PRIM2: variants seen among roughly 807,000 people sequenced by gnomAD.
PRIM2 encodes DNA primase large subunit.
Under a neutral mutation model 67.3 loss-of-function variants are expected in PRIM2, and 39 were observed. The ratio of observed to expected loss-of-function variants is 0.58; its 90% CI spans 0.45 to 0.76. PRIM2 has a LOEUF of 0.76. PRIM2 is among the 30% of genes least tolerant of loss of function. The probability of loss-of-function intolerance (pLI) is 0.00; values close to 1 mark genes in which losing one functional copy is unlikely to be tolerated. For missense variants in PRIM2, 398 were observed against 598.7 expected (o/e 0.66, Z 3.50); for synonymous variants, 143 against 198.7 (o/e 0.72, Z 2.36).
chr6:57,357,209 G>A (rs1341043982), intron 5 of PRIM2, among the ~76,000 whole-genome samples: 3 of 152,174 alleles, frequency 2.0e-5, no homozygotes, highest in Non-Finnish European at 1.5e-5. Flanking sequence ...TGGGATTACA[G>A]GAGTGAGCCA....
the PRIM2 span, among the ~76,000 whole-genome samples, chr6:57,255,497 CAAAA>C: frequency 5.4e-5 from 7 of 130,174 alleles, no homozygotes; most frequent in Non-Finnish European, 3.3e-5. Flanking sequence ...GACTCTATCT[CAAAA>C]AAAAAAAAAA....
intron 10 of PRIM2, among the ~76,000 whole-genome samples, chr6:57,575,386 G>T (rs1383604636): frequency 2.0e-5 from 3 of 152,278 alleles, no homozygotes; most frequent in South Asian, 4.1e-4. Context: ...TGATGTATTT[G>T]CTTTTTCTAA....
chr6:57,300,706 T>C, the PRIM2 span, among the ~76,000 whole-genome samples: 6 of 152,188 alleles, frequency 3.9e-5, no homozygotes, highest in Non-Finnish European at 8.8e-5. Flanking sequence ...TCTACTAGCG[T>C]AGTTCTGGTT....
Position 57,644,702 on chromosome 6 carries a change from T to C in PRIM2, c.1300-1226T>C, listed in dbSNP as rs1425900199. On this transcript the variant is annotated intron_variant, in intron 13 of 13. Transcript: ENST00000615550. ...AAGAGTGAGACGTAAAAGGATTAGTTAATACAAGACAGATGAACAAAAGAA... is the reference window on the plus strand; with the variant it reads ...AAGAGTGAGACGTAAAAGGATTAGTCAATACAAGACAGATGAACAAAAGAA... Among the ~76,000 whole-genome samples, 13 of 152,332 alleles carry C rather than the reference T, an allele frequency of 8.5e-5. No homozygotes were observed. The East Asian group carries it at 2.5e-3, about 29-fold the overall frequency.
chr6:57,435,802 C>T (rs1042381102), intron 7 of PRIM2, among the ~76,000 whole-genome samples: 5 of 152,230 alleles, frequency 3.3e-5, no homozygotes, highest in Middle Eastern at 3.4e-3. Flanking sequence ...ACTGATAGTA[C>T]GGGAAAGAGC....
At chr6:57,546,406 A>G (rs1363463865) in intron 10 of PRIM2, among the ~76,000 whole-genome samples, 29 of 152,298 alleles carry the variant, frequency 1.9e-4, no homozygotes, top group African/African-American at 7.0e-4. Flanking sequence ...CGTGTTAGAG[A>G]CCAATCTAGA....
At chr6:57,501,909 A>G (rs1581956578) in intron 7 of PRIM2, among the ~76,000 whole-genome samples, 1 of 152,166 alleles carries the variant, frequency 6.6e-6, no homozygotes, top group African/African-American at 2.4e-5. Context: ...TTGTTCTTTT[A>G]AATGGCTGTT....
intron 8 of PRIM2, among the ~76,000 whole-genome samples, chr6:57,523,642 G>T (rs1269649080): frequency 1.3e-5 from 2 of 152,040 alleles, no homozygotes; most frequent in Admixed American, 1.3e-4. Context: ...TAGTGGAGCT[G>T]GTGAATACCA....
intron 5 of PRIM2, among the ~76,000 whole-genome samples, chr6:57,326,627 A>G (rs1197234706): frequency 2.0e-5 from 3 of 152,012 alleles, no homozygotes; most frequent in Admixed American, 6.5e-5. Flanking sequence ...AGGCTAAGGC[A>G]TGAAAATTGC....
intron 10 of PRIM2, among the ~76,000 whole-genome samples, chr6:57,551,066 C>T (rs1775390674): frequency 6.6e-6 from 1 of 152,140 alleles, no homozygotes; most frequent in African/African-American, 2.4e-5. Context: ...TAAAAAATTA[C>T]TTTGAACCAT....
chr6:57,440,035 T>C (rs866685538), intron 7 of PRIM2, among the ~76,000 whole-genome samples: 112 of 151,508 alleles, frequency 7.4e-4, no homozygotes, highest in Admixed American at 2.6e-3. Context: ...TATGTTCTTT[T>C]CGGAAATTTC....
At chr6:57,488,190 T>C (rs1773797606) in intron 7 of PRIM2, among the ~76,000 whole-genome samples, 1 of 152,220 alleles carries the variant, frequency 6.6e-6, no homozygotes, top group African/African-American at 2.4e-5. Context: ...TTAAAATCCC[T>C]AGTATGTAAT....
chr6:57,340,586 C>G (rs1315376306), intron 5 of PRIM2, among the ~76,000 whole-genome samples: 2 of 152,078 alleles, frequency 1.3e-5, no homozygotes, highest in Admixed American at 6.6e-5. Context: ...AATCATCATT[C>G]TCAGTAAACT....
chr6:57,635,850 T>A (rs1455772551), intron 13 of PRIM2, among the ~76,000 whole-genome samples: 9 of 152,190 alleles, frequency 5.9e-5, no homozygotes, highest in African/African-American at 2.2e-4. Flanking sequence ...TTCTTTCTCC[T>A]CCACACAGCT....
chr6:57,238,473 TAATGA>T, the PRIM2 span, among the ~76,000 whole-genome samples: 1 of 152,298 alleles, frequency 6.6e-6, no homozygotes, highest in Non-Finnish European at 1.5e-5. Context: ...ACTGGGTATA[TAATGA>T]AATGAAGGCA....
intron 7 of PRIM2, among the ~76,000 whole-genome samples, chr6:57,386,113 G>A (rs1023468023): frequency 3.4e-4 from 52 of 151,860 alleles, no homozygotes; most frequent in Non-Finnish European, 1.6e-4. Flanking sequence ...TGGCTGAGTG[G>A]GGTGGCTCAC....
rs1214462474 is a variant in PRIM2, at chr6:57,551,890, A to G, written c.1020+14265A>G. ...GATGTTTTGCCACAACGTAAGTTTTATGTAAGAACTCTAGGCTTGGCATTT... is the reference window on the plus strand; with the variant it reads ...GATGTTTTGCCACAACGTAAGTTTTGTGTAAGAACTCTAGGCTTGGCATTT... On this transcript the variant is annotated intron_variant, in intron 10 of 13. Transcript: ENST00000615550. Among the ~76,000 whole-genome samples the G allele has an allele frequency of 3.3e-5, 5 of 152,348 alleles. No homozygotes were observed. In the East Asian group the frequency reaches 9.6e-4, roughly 29 times the overall value.
At chr6:57,280,741 T>C in the PRIM2 span, among the ~76,000 whole-genome samples, 1 of 152,104 alleles carries the variant, frequency 6.6e-6, no homozygotes, top group African/African-American at 2.4e-5. Flanking sequence ...ACTCCTGACC[T>C]CATGATCTGC....
At chr6:57,254,720 T>G in the PRIM2 span, among the ~76,000 whole-genome samples, 2 of 151,876 alleles carry the variant, frequency 1.3e-5, no homozygotes, top group African/African-American at 2.4e-5. Context: ...ACAAGTTTAT[T>G]GGGGGTCTGA....
Sources: gnomAD v4.1 joint callset for allele counts (sites outside exome capture counted in the v4.1 genomes callset) on GRCh38, gnomAD v4.1.1 for gene constraint, MANE v1.5 for transcripts, NCBI Gene and HGNC (gene_info 2026-07-23, HGNC 2026-07-21) for gene names.